Variants in ASIC2 observed in about 807,000 individuals in gnomAD.
ASIC2 encodes acid-sensing ion channel 2.
Under a neutral mutation model 57.3 loss-of-function variants are expected in ASIC2, and 25 were observed. The observed-to-expected ratio is 0.44, with a 90% CI of 0.32 to 0.61. The LOEUF (loss-of-function observed/expected upper bound fraction) is 0.61, where lower values mean the gene tolerates loss of function less well. Ranked by LOEUF, ASIC2 falls within the 20% of genes least tolerant of loss-of-function variation. The pLI is 0.06. For missense variants in ASIC2, 641 were observed against 738.1 expected, an observed-to-expected ratio of 0.87 and a Z score of 1.52; for synonymous variants, 319 against 307.5, an observed-to-expected ratio of 1.04 and a Z score of -0.39.
intron 1 of ASIC2, among the ~76,000 whole-genome samples, chr17:33,128,922 T>C (rs554052396): frequency 2.0e-5 from 3 of 152,352 alleles, no homozygotes; most frequent in South Asian, 4.1e-4. Flanking sequence ...AATACGTCCA[T>C]ATATTTTTCT....
In ASIC2 at chr17:33,017,787, A is replaced by C. The variant is rs559889809; in HGVS notation, c.1442-103T>G. 1.3e-3 allele frequency: 1,340 copies of C among 1,067,534 alleles called. 21 individuals are homozygous for C. The South Asian group carries it at 0.019, about 15-fold the overall frequency. The allele number at this position is 1,067,534 out of a possible 1,614,324, so 66.1% of individuals were successfully genotyped here. A position where few individuals can be genotyped will look rare whatever the true frequency, so the allele number is the denominator to read the frequency against. ...AGACCTTCTGAATGGCGCCCCCTCC[A>C]TGGGGAGCCTGGGCCTTGTTGTGGG... On this transcript the variant is annotated intron_variant, in intron 7 of 9. Transcript: ENST00000225823.
intron 1 of ASIC2, among the ~76,000 whole-genome samples, chr17:33,160,811 G>A (rs1487784705): frequency 1.3e-5 from 2 of 152,170 alleles, no homozygotes; most frequent in Non-Finnish European, 2.9e-5. Flanking sequence ...TTCATGGCGG[G>A]GGGAGAGGCC....
intron 1 of ASIC2, among the ~76,000 whole-genome samples, chr17:33,894,338 CGTGCGTGCGTGCGTGTGT>C (rs1853668695): frequency 1.1e-5 from 1 of 93,982 alleles, no homozygotes; most frequent in South Asian, 3.6e-4. Flanking sequence ...TGCGTGCGTG[CGTGCGTGCGTGCGTGTGT>C]GTGTGTGTGT....
chr17:33,858,174 C>T (rs985645514), intron 1 of ASIC2, among the ~76,000 whole-genome samples: 2 of 152,230 alleles, frequency 1.3e-5, no homozygotes, highest in Admixed American at 6.5e-5. Context: ...CCTGTTTCTG[C>T]CTCGTCCTTA....
chr17:34,034,172 T>C (rs200721568), intron 1 of ASIC2, among the ~76,000 whole-genome samples: 87 of 152,324 alleles, frequency 5.7e-4, no homozygotes, highest in African/African-American at 1.8e-3. Context: ...CATGATCAAG[T>C]GGGCTTCATC....
intron 1 of ASIC2, among the ~76,000 whole-genome samples, chr17:33,237,727 G>A (rs1908350129): frequency 6.6e-6 from 1 of 152,168 alleles, no homozygotes; most frequent in Non-Finnish European, 1.5e-5. Context: ...CAGGGTTGAG[G>A]CAGGATTAAA....
chr17:33,190,245 T>G (rs1567778750), intron 1 of ASIC2, among the ~76,000 whole-genome samples: 1 of 152,188 alleles, frequency 6.6e-6, no homozygotes, highest in African/African-American at 2.4e-5. Flanking sequence ...GTATAATGGG[T>G]TCACTATATA....
intron 1 of ASIC2, among the ~76,000 whole-genome samples, chr17:34,064,645 T>C (rs550643634): frequency 6.6e-6 from 1 of 152,136 alleles, no homozygotes; most frequent in South Asian, 2.1e-4. Context: ...AAATAACTAA[T>C]ATCCAGAATC....
At position 34,023,044 on chromosome 17, in the gene ASIC2, G is replaced by A. The variant is rs542878199; in HGVS notation, c.555+132934C>T. On this transcript the variant is annotated intron_variant, in intron 1 of 9. Coordinates refer to the ASIC2 transcript ENST00000359872. ...TCCCCCTTTGCCTTCTGCCATGCTT[G>A]TAAGTTCCCTGAGGACTCATCCACC... Among the ~76,000 whole-genome samples the A allele has an allele frequency of 5.9e-5, 9 of 152,188 alleles. No homozygotes were observed. The South Asian group carries it at 1.7e-3, about 28-fold the overall frequency.
At chr17:33,650,378 T>A (rs79852572) in intron 1 of ASIC2, among the ~76,000 whole-genome samples, 2,685 of 152,280 alleles carry the variant, frequency 0.018, 93 homozygotes, top group African/African-American at 0.06. Context: ...CAGACATTAC[T>A]GGCGAGCATG....
chr17:33,262,476 G>A (rs1280025096), intron 1 of ASIC2, among the ~76,000 whole-genome samples: 2 of 151,678 alleles, frequency 1.3e-5, no homozygotes, highest in Admixed American at 1.3e-4. Context: ...TGGAAGGGAG[G>A]GAAAAGGAAG....
chr17:33,177,354 A>C (rs1905801735), intron 1 of ASIC2, among the ~76,000 whole-genome samples: 1 of 152,248 alleles, frequency 6.6e-6, no homozygotes, highest in Non-Finnish European at 1.5e-5. Context: ...AGTTACAATG[A>C]GCAAAGGAAA....
chr17:33,763,060 G>T (rs1484834105), intron 1 of ASIC2, among the ~76,000 whole-genome samples: 1 of 152,158 alleles, frequency 6.6e-6, no homozygotes, highest in African/African-American at 2.4e-5. Flanking sequence ...ACACAGTTAA[G>T]TTAGAACCAG....
intron 1 of ASIC2, among the ~76,000 whole-genome samples, chr17:34,093,903 C>T (rs1910423204): frequency 6.6e-6 from 1 of 152,120 alleles, no homozygotes. Flanking sequence ...ATTAGTTGGC[C>T]TGAGGTACTC....
At chr17:33,323,136 G>A (rs1234380087) in intron 1 of ASIC2, among the ~76,000 whole-genome samples, 1 of 152,158 alleles carries the variant, frequency 6.6e-6, no homozygotes, top group African/African-American at 2.4e-5. Flanking sequence ...ATTTGCTAAA[G>A]TGAAACATAT....
chr17:34,130,267 T>G (rs1911912355), intron 1 of ASIC2, among the ~76,000 whole-genome samples: 2 of 148,386 alleles, frequency 1.3e-5, no homozygotes, highest in South Asian at 4.4e-4. Flanking sequence ...CCTTACCCTG[T>G]GCAGGCTCCA....
At chr17:33,131,926 G>A (rs2092347779) in intron 1 of ASIC2, among the ~76,000 whole-genome samples, 1 of 152,170 alleles carries the variant, frequency 6.6e-6, no homozygotes, top group African/African-American at 2.4e-5. Flanking sequence ...AAAAAATCAA[G>A]AGTAGCCTCA....
chr17:33,989,146 C>T (rs12603753), intron 1 of ASIC2, among the ~76,000 whole-genome samples: 19,666 of 152,022 alleles, frequency 0.13, 1,657 homozygotes, highest in East Asian at 0.35. Context: ...GTTAGTGAGA[C>T]ATGATGTTAA....
At chr17:33,023,451 C>T (rs1297224748) in intron 6 of ASIC2, among the ~76,000 whole-genome samples, 2 of 151,010 alleles carry the variant, frequency 1.3e-5, no homozygotes, top group Non-Finnish European at 2.9e-5. Context: ...GATCATGCCA[C>T]TGCACTCCAG....
Sources: gnomAD v4.1 joint callset for allele counts (sites outside exome capture counted in the v4.1 genomes callset) on GRCh38, gnomAD v4.1.1 for gene constraint, MANE v1.5 for transcripts, NCBI Gene and HGNC (gene_info 2026-07-23, HGNC 2026-07-21) for gene names.